The following CSMD1 variants were observed in gnomAD, a reference collection of about 807,000 sequenced individuals.
CSMD1 encodes CUB and Sushi multiple domains 1.
A neutral mutation model predicts 417.5 loss-of-function variants in CSMD1; 213 were observed. That is an observed-to-expected ratio of 0.51 (90% CI 0.46 to 0.57). The LOEUF (loss-of-function observed/expected upper bound fraction) is 0.57, where lower values mean the gene tolerates loss of function less well. Among genes scored for constraint, CSMD1 ranks in the 20% least tolerant of loss-of-function variants. CSMD1 has a pLI of 0.00. For missense variants in CSMD1, 6,923 were observed against 4,529.7 expected, an observed-to-expected ratio of 1.53 and a Z score of -15.17; for synonymous variants, 2,862 against 1,736.8, an observed-to-expected ratio of 1.65 and a Z score of -16.11.
intron 5 of CSMD1, among the ~76,000 whole-genome samples, chr8:3,945,539 A>G (rs1811168199): frequency 6.6e-6 from 1 of 151,434 alleles, no homozygotes; most frequent in Admixed American, 6.6e-5. Context: ...GCGTTGATTC[A>G]TATAACTTTT....
intron 2 of CSMD1, among the ~76,000 whole-genome samples, chr8:4,462,322 CTA>C (rs1014221399): frequency 5.9e-5 from 9 of 151,942 alleles, no homozygotes; most frequent in African/African-American, 2.2e-4. Flanking sequence ...ATTCCAAAAA[CTA>C]TAAGTGTTTA....
chr8:3,300,306 C>G (rs1210982116), intron 25 of CSMD1, among the ~76,000 whole-genome samples: 5 of 151,872 alleles, frequency 3.3e-5, no homozygotes, highest in African/African-American at 1.2e-4. Flanking sequence ...GCTATATCAC[C>G]TTTTCAAGTG....
At chr8:4,625,140 C>T (rs1033014196) in intron 2 of CSMD1, among the ~76,000 whole-genome samples, 1 of 151,980 alleles carries the variant, frequency 6.6e-6, no homozygotes, top group Non-Finnish European at 1.5e-5. Context: ...ATGACCATAC[C>T]AGGGAAAATA....
At chr8:4,102,484 T>G (rs764769614) in intron 3 of CSMD1, among the ~76,000 whole-genome samples, 4 of 152,142 alleles carry the variant, frequency 2.6e-5, no homozygotes, top group African/African-American at 7.2e-5. Context: ...AATCTGTCAC[T>G]TGAGGGGCAG....
At chr8:4,298,878 T>C (rs1797829211) in intron 3 of CSMD1, among the ~76,000 whole-genome samples, 1 of 152,074 alleles carries the variant, frequency 6.6e-6, no homozygotes, top group Non-Finnish European at 1.5e-5. Flanking sequence ...TTAATTAGAC[T>C]TAAATGAGTA....
At chr8:4,175,249 G>T (rs1046613275) in intron 3 of CSMD1, among the ~76,000 whole-genome samples, 1 of 152,104 alleles carries the variant, frequency 6.6e-6, no homozygotes, top group East Asian at 1.9e-4. Flanking sequence ...CCAATTAAAT[G>T]AAACCATTTA....
chr8:4,206,591 G>C (rs543942158), intron 3 of CSMD1, among the ~76,000 whole-genome samples: 1 of 152,252 alleles, frequency 6.6e-6, no homozygotes, highest in East Asian at 1.9e-4. Flanking sequence ...ATCATTGATG[G>C]ACATCTGGGT....
At chr8:4,178,408 T>G (rs1403698162) in intron 3 of CSMD1, among the ~76,000 whole-genome samples, 1 of 150,844 alleles carries the variant, frequency 6.6e-6, no homozygotes, top group Non-Finnish European at 1.5e-5. Context: ...TCTCAATAAA[T>G]TAGGTATTGA....
At chr8:4,084,366 A>G (rs192871389) in intron 3 of CSMD1, among the ~76,000 whole-genome samples, 16 of 152,182 alleles carry the variant, frequency 1.1e-4, no homozygotes, top group African/African-American at 3.4e-4. Flanking sequence ...CATAAATGCA[A>G]TCTAGAATTA....
chr8:4,413,291 C>T (rs1796748328), intron 3 of CSMD1, among the ~76,000 whole-genome samples: 3 of 152,294 alleles, frequency 2.0e-5, no homozygotes, highest in Admixed American at 2.0e-4. Context: ...GACACAGCTT[C>T]TCCTTGGGCT....
chr8:4,309,712 C>G (rs1271041655), intron 3 of CSMD1, among the ~76,000 whole-genome samples: 2 of 152,262 alleles, frequency 1.3e-5, no homozygotes, highest in African/African-American at 4.8e-5. Flanking sequence ...GGGATTGTAA[C>G]ATACACAACA....
At chr8:4,412,035 A>G (rs1796678891) in intron 3 of CSMD1, among the ~76,000 whole-genome samples, 1 of 151,690 alleles carries the variant, frequency 6.6e-6, no homozygotes. Flanking sequence ...GCAAATGATT[A>G]GCTAAATATC....
intron 5 of CSMD1, among the ~76,000 whole-genome samples, chr8:3,828,206 C>T (rs1802166007): frequency 1.3e-5 from 2 of 152,252 alleles, no homozygotes; most frequent in Admixed American, 6.5e-5. Flanking sequence ...CTTGATATTC[C>T]TGGCTAGAAA....
intron 7 of CSMD1, among the ~76,000 whole-genome samples, chr8:3,689,394 C>T (rs778378929): frequency 3.9e-5 from 6 of 152,088 alleles, no homozygotes; most frequent in Non-Finnish European, 8.8e-5. Context: ...GAGTCCCCTT[C>T]GGTTATACAA....
intron 6 of CSMD1, among the ~76,000 whole-genome samples, chr8:3,715,933 C>T (rs969058666): frequency 2.4e-4 from 36 of 152,234 alleles, no homozygotes; most frequent in Admixed American, 2.0e-4. Context: ...CCCCTACTCC[C>T]TGTGGACATG....
At chr8:4,649,166 T>C (rs1258623341) in intron 1 of CSMD1, among the ~76,000 whole-genome samples, 1 of 152,210 alleles carries the variant, frequency 6.6e-6, no homozygotes, top group African/African-American at 2.4e-5. Context: ...CTGGCAGCCA[T>C]GAAGGCAGAT....
At chr8:4,241,938 T>A (rs1053780688) in intron 3 of CSMD1, among the ~76,000 whole-genome samples, 1 of 152,182 alleles carries the variant, frequency 6.6e-6, no homozygotes, top group African/African-American at 2.4e-5. Flanking sequence ...GTCCTACCAA[T>A]TGACCAGATT....
intron 5 of CSMD1, among the ~76,000 whole-genome samples, chr8:3,811,116 T>C (rs535637701): frequency 3.3e-4 from 51 of 152,322 alleles, no homozygotes; most frequent in African/African-American, 1.2e-3. Flanking sequence ...CTCCTCTGTG[T>C]GTACCTATGT....
At chr8:4,599,510 G>GT (rs577419625) in intron 2 of CSMD1, among the ~76,000 whole-genome samples, 195 of 143,598 alleles carry the variant, frequency 1.4e-3, no homozygotes, top group South Asian at 4.2e-3. Flanking sequence ...TAAACCATCA[G>GT]TTTTTTTTTT....
Sources: allele counts gnomAD v4.1 joint callset (sites outside exome capture counted in the v4.1 genomes callset), GRCh38; gene constraint gnomAD v4.1.1; transcripts MANE v1.5; gene names NCBI Gene and HGNC (gene_info 2026-07-23, HGNC 2026-07-21).